The following KIF11 variants were observed in gnomAD, a reference collection of about 807,000 sequenced individuals.
KIF11 encodes kinesin family member 11.
A neutral mutation model predicts 121.0 loss-of-function variants in KIF11; 9 were observed. That is an observed-to-expected ratio of 0.07 (90% CI 0.04 to 0.13). The LOEUF (loss-of-function observed/expected upper bound fraction) is 0.13, where lower values mean the gene tolerates loss of function less well. Ranked by LOEUF, KIF11 falls within the 10% of genes least tolerant of loss-of-function variation. KIF11 has a pLI of 1.00. For missense variants in KIF11, 846 were observed against 1,217.5 expected, an observed-to-expected ratio of 0.69 and a Z score of 4.54; for synonymous variants, 408 against 421.0, an observed-to-expected ratio of 0.97 and a Z score of 0.38.
intron 3 of KIF11, 31 bp from the exon 4 acceptor site, chr10:92,607,128 T>C: frequency 1.5e-6 from 2 of 1,365,854 alleles, no homozygotes; most frequent in Non-Finnish European, 2.1e-6. Context: ...TGCATGTTTC[T>C]TTTTGATTTA....
In KIF11 at chr10:92,648,291, A is replaced by T. The variant is rs546248472; in HGVS notation, c.2627A>T (p.Gln876Leu). Residue 876 changes from glutamine to leucine, a missense_variant, in exon 19 of 22, where the codon CAG becomes CTG. Around this residue, in one of 5 missense-constraint regions of KIF11, gnomAD observed 492 missense variants for 603.4 expected, o/e 0.82. Transcript: ENST00000260731. ...GGACGTAAGGCAGCTCATGAGAAAC[A>T]GCATAACATTTTTCTTGATCAGATG... ...SDGRKAAHEK[Q>L]HNIFLDQMTI... 6.2e-7 allele frequency: 1 copy of T among 1,613,490 alleles called. No homozygotes were observed. The highest frequency in any genetic ancestry group is 1.7e-5 in the Admixed American group (1 of 60,022).
intron 17 of KIF11, 34 bp downstream of exon 17, chr10:92,639,934 G>A: frequency 8.9e-7 from 1 of 1,122,084 alleles, no homozygotes; most frequent in Non-Finnish European, 1.3e-6. Context: ...AAACTTTTCT[G>A]TAAGTCTGAA....
At chr10:92,650,983 G>A (rs1425969900) in intron 21 of KIF11, among the ~76,000 whole-genome samples, 2 of 151,948 alleles carry the variant, frequency 1.3e-5, no homozygotes, top group Admixed American at 1.3e-4. Context: ...CATGTTTCCT[G>A]AGCACCTTGC....
At chr10:92,609,303 A>AGAGAGAGAGTGTGT (rs1372794402) in intron 5 of KIF11, 82 bp from the exon 6 acceptor site, 6 of 382,552 alleles carry the variant, frequency 1.6e-5, no homozygotes, top group South Asian at 6.6e-5. Flanking sequence ...AGAGAGAGAG[A>AGAGAGAGAGTGTGT]GTGTGTGTGT....
At chr10:92,625,456 C>A (rs1164482560) in intron 10 of KIF11, among the ~76,000 whole-genome samples, 1 of 151,540 alleles carries the variant, frequency 6.6e-6, no homozygotes, top group Non-Finnish European at 1.5e-5. Context: ...TCAAGCGATT[C>A]TCCTGCCTCA....
chr10:92,639,833 T>C lies in KIF11; in HGVS notation c.2200T>C (p.Cys734Arg). Residue 734 changes from cysteine to arginine, a missense_variant, in exon 17 of 22, where the codon TGT (cysteine) becomes CGT (arginine). Coordinates refer to ENST00000260731, the MANE Select transcript of KIF11 (RefSeq NM_004523.4). ...AATGAATCTTTGGACAGAGAGATTC[T>C]GTGCTTTGGAGGAAAAGTGTGAAAA... ...KLMNLWTERF[C>R]ALEEKCENIQ... The C allele has an allele frequency of 1.2e-6, 2 of 1,612,528 alleles. No homozygotes were observed. The highest frequency in any genetic ancestry group is 8.5e-7 in the Non-Finnish European group (1 of 1,178,996).
In KIF11 at chr10:92,613,002, A is replaced by G; in HGVS notation, c.699-38A>G. 1 of 1,218,844 alleles carries G rather than the reference A, an allele frequency of 8.2e-7. No homozygotes were observed. The highest frequency in any genetic ancestry group is 1.3e-5 in the South Asian group (1 of 78,564). 75.5% of individuals were successfully genotyped at this position (1,218,844 alleles called of 1,614,324 possible). ...TTTCAGAAGCAGCAAATGCTATTTT[A>G]CATTATAATGACTGGGCAACTTGAT... On this transcript the variant is annotated intron_variant, in intron 6 of 21. Coordinates refer to ENST00000260731, the MANE Select transcript of KIF11 (RefSeq NM_004523.4). The surrounding 1 kb of genome is among the most constrained non-coding windows in gnomAD (Gnocchi z 4.2).
chr10:92,638,713 T>G (rs887955519), intron 16 of KIF11, among the ~76,000 whole-genome samples: 7 of 152,330 alleles, frequency 4.6e-5, no homozygotes, highest in South Asian at 2.1e-4. Context: ...ATGTAAAACT[T>G]TGAACACATT....
intron 1 of KIF11, among the ~76,000 whole-genome samples, chr10:92,601,617 ATTTGTTAG>A (rs753170482): frequency 1.2e-4 from 15 of 120,612 alleles, no homozygotes; most frequent in East Asian, 5.5e-4. Flanking sequence ...CTGTTCTTTT[ATTTGTTAG>A]TTTGTTTGAG....
Position 92,653,874 on chromosome 10 carries a change from G to A in KIF11, c.*78G>A. ...TGAAACCCCAGAACTTGAGCCTTGTGTATAGATTTTAAAAGAATATATATA... is the reference window on the plus strand; with the variant it reads ...TGAAACCCCAGAACTTGAGCCTTGTATATAGATTTTAAAAGAATATATATA... On this transcript the variant is annotated 3_prime_UTR_variant, in exon 22 of 22. Transcript: ENST00000260731. 7.5e-7 allele frequency: 1 copy of A among 1,324,776 alleles called. No homozygotes were observed. The allele number at this position is 1,324,776 out of a possible 1,614,324, so 82.1% of individuals were successfully genotyped here.
At chr10:92,653,544 T>C in intron 21 of KIF11, 121 bp from the exon 22 acceptor site, 1 of 850,696 alleles carries the variant, frequency 1.2e-6, no homozygotes, top group Non-Finnish European at 1.8e-6. Flanking sequence ...CTGAACCTTT[T>C]TTGGTTTTCT....
chr10:92,619,961 A>G (rs930107751), intron 9 of KIF11, among the ~76,000 whole-genome samples: 1 of 151,536 alleles, frequency 6.6e-6, no homozygotes, highest in Non-Finnish European at 1.5e-5. Flanking sequence ...GTAAATCGGT[A>G]GCTGAATCTT....
At chr10:92,645,686 T>C (rs773200460) in intron 18 of KIF11, 44 bp downstream of exon 18, 6 of 1,379,080 alleles carry the variant, frequency 4.4e-6, no homozygotes, top group Non-Finnish European at 5.0e-6. Flanking sequence ...AGAATAATAA[T>C]CAGAAAGTTA....
chr10:92,600,342 G>T (rs976399999), intron 1 of KIF11, among the ~76,000 whole-genome samples: 1 of 151,870 alleles, frequency 6.6e-6, no homozygotes, highest in Non-Finnish European at 1.5e-5. Flanking sequence ...TAAGTTCTGG[G>T]GTACATGTGC....
intron 16 of KIF11, 31 bp downstream of exon 16, chr10:92,637,576 GAA>G: frequency 1.3e-6 from 2 of 1,575,688 alleles, no homozygotes; most frequent in Non-Finnish European, 1.7e-6. Flanking sequence ...GGGGAGTACA[GAA>G]AGAGAGTTTT....
intron 1 of KIF11, among the ~76,000 whole-genome samples, chr10:92,596,372 G>C (rs552037728): frequency 5.3e-5 from 8 of 152,288 alleles, no homozygotes; most frequent in African/African-American, 1.9e-4. Context: ...ATTCTTTTGG[G>C]TATTTACCCA....
chr10:92,631,254 A>G (rs1281011187), intron 12 of KIF11, among the ~76,000 whole-genome samples: 1 of 150,596 alleles, frequency 6.6e-6, no homozygotes, highest in Non-Finnish European at 1.5e-5. Flanking sequence ...AGATCATGCC[A>G]CTGCACTCCA....
At chr10:92,614,340 G>A (rs1037896341) in intron 8 of KIF11, among the ~76,000 whole-genome samples, 5 of 151,962 alleles carry the variant, frequency 3.3e-5, no homozygotes, top group South Asian at 2.1e-4. Flanking sequence ...CAGGTGAGCC[G>A]CCCGCCTTTG....
intron 18 of KIF11, among the ~76,000 whole-genome samples, 166 bp from the exon 19 acceptor site, chr10:92,648,046 C>T (rs1844938899): frequency 6.7e-6 from 1 of 148,802 alleles, no homozygotes; most frequent in Admixed American, 6.7e-5. Flanking sequence ...GAGGTCAAGG[C>T]TGTAGTGAGC....
Sources: allele counts gnomAD v4.1 joint callset (sites outside exome capture counted in the v4.1 genomes callset), GRCh38; gene constraint gnomAD v4.1.1; regional missense constraint gnomAD v4.1.1; non-coding constraint Gnocchi (gnomAD v3.1); transcripts MANE v1.5; gene names NCBI Gene and HGNC (gene_info 2026-07-23, HGNC 2026-07-21).